The following SGCZ variants were observed in gnomAD, a reference collection of about 807,000 sequenced individuals.
The protein encoded by SGCZ is zeta-sarcoglycan.
In SGCZ, 40 loss-of-function variants were observed where a neutral mutation model predicts 41.3. That is an observed-to-expected ratio of 0.97 (90% CI 0.75 to 1.26). The LOEUF is 1.26. SGCZ is among the 50% of genes most tolerant of loss of function. SGCZ has a pLI of 0.00. For missense variants in SGCZ, 552 were observed against 369.8 expected (o/e 1.49, Z -4.04); for synonymous variants, 206 against 137.5 (o/e 1.50, Z -3.49).
intron 1 of SGCZ, among the ~76,000 whole-genome samples, chr8:14,966,707 C>T (rs554244715): frequency 1.3e-3 from 192 of 152,150 alleles, no homozygotes; most frequent in African/African-American, 3.9e-3. Context: ...TTAATGTGCA[C>T]GCACCTGCTT....
At chr8:14,563,555 G>C (rs1289372652) in intron 1 of SGCZ, among the ~76,000 whole-genome samples, 1 of 152,174 alleles carries the variant, frequency 6.6e-6, no homozygotes, top group African/African-American at 2.4e-5. Context: ...TGTCTGAAAG[G>C]ATGAATAAAT....
chr8:15,095,105 TA>T (rs1212284809), intron 1 of SGCZ, among the ~76,000 whole-genome samples: 9 of 152,180 alleles, frequency 5.9e-5, no homozygotes, highest in African/African-American at 2.2e-4. Context: ...TATTTTATCT[TA>T]TTTTTTTGTG....
At chr8:14,551,159 G>A (rs1803797155) in intron 2 of SGCZ, among the ~76,000 whole-genome samples, 1 of 146,146 alleles carries the variant, frequency 6.8e-6, no homozygotes. Context: ...CTATCAGCTA[G>A]AGGCCACCAA....
chr8:14,812,318 G>A (rs1036234254), intron 1 of SGCZ, among the ~76,000 whole-genome samples: 1 of 151,858 alleles, frequency 6.6e-6, no homozygotes, highest in East Asian at 1.9e-4. Context: ...CTGCTAAAAG[G>A]AACAAAGATA....
chr8:14,165,637 C>T (rs1181299134), intron 4 of SGCZ, among the ~76,000 whole-genome samples: 2 of 152,064 alleles, frequency 1.3e-5, no homozygotes, highest in African/African-American at 2.4e-5. Context: ...CCTTCCTCCT[C>T]TTCTATTTAT....
At chr8:14,158,856 C>T (rs1233133118) in intron 5 of SGCZ, among the ~76,000 whole-genome samples, 1 of 152,114 alleles carries the variant, frequency 6.6e-6, no homozygotes. Context: ...GCAACCTCTG[C>T]CTCCTGGGTT....
chr8:14,930,066 T>C (rs930833534), intron 1 of SGCZ, among the ~76,000 whole-genome samples: 6 of 152,066 alleles, frequency 3.9e-5, no homozygotes, highest in Admixed American at 6.5e-5. Flanking sequence ...TTTGGAGTTG[T>C]TCTTTATTAA....
chr8:15,062,274 C>T (rs1804966054), intron 1 of SGCZ, among the ~76,000 whole-genome samples: 1 of 152,116 alleles, frequency 6.6e-6, no homozygotes, highest in African/African-American at 2.4e-5. Flanking sequence ...CAAGTAATGA[C>T]ACAACCATTA....
chr8:15,147,900 T>C (rs1799079564), intron 1 of SGCZ, among the ~76,000 whole-genome samples: 1 of 152,168 alleles, frequency 6.6e-6, no homozygotes, highest in African/African-American at 2.4e-5. Flanking sequence ...ATATAAAAGG[T>C]ACATTTTTGC....
At chr8:14,227,412 T>C (rs1806410437) in intron 4 of SGCZ, among the ~76,000 whole-genome samples, 1 of 152,068 alleles carries the variant, frequency 6.6e-6, no homozygotes, top group South Asian at 2.1e-4. Flanking sequence ...ACAAAACAGC[T>C]AATATGTGAC....
At chr8:14,326,706 A>G (rs1047322705) in intron 2 of SGCZ, among the ~76,000 whole-genome samples, 1 of 152,194 alleles carries the variant, frequency 6.6e-6, no homozygotes, top group Non-Finnish European at 1.5e-5. Flanking sequence ...AGATGAGAAA[A>G]TACATACATT....
intron 4 of SGCZ, among the ~76,000 whole-genome samples, chr8:14,222,064 C>T (rs147503911): frequency 1.7e-3 from 260 of 152,226 alleles, no homozygotes; most frequent in Middle Eastern, 6.8e-3. Context: ...AGGGCTATTG[C>T]CACCACCTAC....
intron 1 of SGCZ, among the ~76,000 whole-genome samples, chr8:14,628,229 C>A (rs1806527109): frequency 6.6e-6 from 1 of 151,940 alleles, no homozygotes; most frequent in South Asian, 2.1e-4. Context: ...AAAAAAGATC[C>A]CATCTTGATC....
intron 2 of SGCZ, among the ~76,000 whole-genome samples, chr8:14,521,318 GGA>G (rs1802781997): frequency 6.6e-6 from 1 of 151,894 alleles, no homozygotes; most frequent in African/African-American, 2.4e-5. Context: ...ATAACTTCGG[GGA>G]ATTGGATTTT....
intron 3 of SGCZ, among the ~76,000 whole-genome samples, chr8:14,272,007 A>C (rs138546037): frequency 6.6e-6 from 1 of 152,144 alleles, no homozygotes; most frequent in African/African-American, 2.4e-5. Context: ...CAATGCCCTA[A>C]GTAATTTTAT....
In SGCZ at chr8:14,853,591, A is replaced by G; in HGVS notation, c.40-298665T>C. ...AATACACATTGCAGGTTAAAAAAAA[A>G]TTCAGTCACTGAAGTGGTTTGCTTT... On this transcript the variant is annotated intron_variant, in intron 1 of 7. Coordinates refer to ENST00000382080, the MANE Select transcript of SGCZ (RefSeq NM_139167.4). 3 of 441,486 alleles carry G rather than the reference A, an allele frequency of 6.8e-6. No homozygotes were observed. In the Admixed American group the frequency reaches 6.9e-5, roughly 10 times the overall value. 27.3% of individuals were successfully genotyped at this position (441,486 alleles called of 1,614,324 possible). A position where few individuals can be genotyped will look rare whatever the true frequency, so the allele number is the denominator to read the frequency against.
intron 1 of SGCZ, among the ~76,000 whole-genome samples, chr8:14,695,555 G>C (rs1221897390): frequency 6.6e-6 from 1 of 152,012 alleles, no homozygotes; most frequent in Non-Finnish European, 1.5e-5. Flanking sequence ...CCTCCGGATG[G>C]CATTGCATAT....
intron 1 of SGCZ, among the ~76,000 whole-genome samples, chr8:14,754,558 G>A (rs2248499): frequency 0.68 from 104,103 of 152,152 alleles, 35,992 homozygotes; most frequent in East Asian, 0.81. Context: ...ATCCAGAATA[G>A]TGGCTGGTAC....
chr8:14,444,837 T>C (rs1449470390), intron 2 of SGCZ, among the ~76,000 whole-genome samples: 9 of 152,012 alleles, frequency 5.9e-5, no homozygotes, highest in Non-Finnish European at 4.4e-5. Context: ...ATAAAATAAA[T>C]GAAGCCAGCT....
Sources: allele counts gnomAD v4.1 joint callset (sites outside exome capture counted in the v4.1 genomes callset), GRCh38; gene constraint gnomAD v4.1.1; transcripts MANE v1.5; gene names NCBI Gene and HGNC (gene_info 2026-07-23, HGNC 2026-07-21).